UBL5: variants seen among roughly 807,000 people sequenced by gnomAD.
UBL5 encodes the protein ubiquitin-like protein 5.
In UBL5, 13 loss-of-function variants were observed where a neutral mutation model predicts 11.7. The observed-to-expected ratio is 1.11, with a 90% CI of 0.73 to 1.77. The LOEUF (loss-of-function observed/expected upper bound fraction) is 1.77. UBL5 is among the 40% of genes most tolerant of loss of function. UBL5 has a pLI of 0.00. For missense variants in UBL5, 58 were observed against 92.3 expected (o/e 0.63, Z 1.52); for synonymous variants, 28 against 34.7 (o/e 0.81, Z 0.68).
intron 1 of UBL5, 76 bp downstream of exon 1, chr19:9,828,060 G>C: frequency 1.8e-6 from 1 of 559,974 alleles, no homozygotes; most frequent in Non-Finnish European, 3.2e-6. Context: ...TGGGGTCGGT[G>C]GGAGGTGAGG....
chr19:9,828,125 TC>T, intron 1 of UBL5, 141 bp downstream of exon 1: 1 of 603,172 alleles, frequency 1.7e-6, no homozygotes, highest in South Asian at 2.0e-5. Flanking sequence ...GAGGCGCGGC[TC>T]CCCGGGGTTC....
At position 9,828,513 on chromosome 19, in the gene UBL5, C is replaced by T. The variant is rs753142080; in HGVS notation, c.57-79C>T. The T allele has an allele frequency of 1.2e-4, 195 of 1,602,186 alleles. No homozygotes were observed. In the Middle Eastern group the frequency reaches 1.5e-3, roughly 12 times the overall value. Reference sequence around the variant, plus strand: ...CCCGGGAGAGGGGGCGGATGGGGTCCTGGCAGATGGTATTCTGCCCTAGAA... The same window carrying T: ...CCCGGGAGAGGGGGCGGATGGGGTCTTGGCAGATGGTATTCTGCCCTAGAA... On this transcript the variant is annotated intron_variant, in intron 2 of 4. Coordinates refer to ENST00000586895, the MANE Select transcript of UBL5 (RefSeq NM_001048241.3).
At chr19:9,828,966 A>G in intron 4 of UBL5, 92 bp downstream of exon 4, 2 of 1,286,650 alleles carry the variant, frequency 1.6e-6, no homozygotes, top group South Asian at 1.2e-5. Flanking sequence ...TATGCATATT[A>G]AGTGTTTAAC....
intron 4 of UBL5, 87 bp downstream of exon 4, chr19:9,828,961 A>G: frequency 6.1e-6 from 8 of 1,312,836 alleles, no homozygotes; most frequent in Non-Finnish European, 8.8e-6. Flanking sequence ...GAGCTTATGC[A>G]TATTAAGTGT....
At chr19:9,828,454 A>G in intron 2 of UBL5, 61 bp downstream of exon 2, 2 of 1,608,848 alleles carry the variant, frequency 1.2e-6, no homozygotes, top group Non-Finnish European at 1.7e-6. Flanking sequence ...GAGGCAGGCA[A>G]CTCAATCTGT....
In UBL5 at chr19:9,830,003, C is replaced by T; in HGVS notation, c.217C>T (p.Gln73Ter). The T allele has an allele frequency of 6.2e-7, 1 of 1,614,024 alleles. No individual in the cohort carries two copies. Among genetic ancestry groups the T allele is most frequent in the South Asian group, 1.1e-5 (1 of 91,078 alleles). ...TGGGATGAACCTGGAGCTTTATTATCAATAGATGAGAATCCTCATCTTCCT... is the reference window on the plus strand; with the variant it reads ...TGGGATGAACCTGGAGCTTTATTATTAATAGATGAGAATCCTCATCTTCCT... ...HDGMNLELYY[Q>*] Residue 73 changes from glutamine (Q) to a stop codon, truncating the protein, a stop_gained, in exon 5 of 5, where the codon CAA (glutamine) becomes TAA (stop). Coordinates refer to ENST00000586895, the MANE Select transcript of UBL5 (RefSeq NM_001048241.3). LOFTEE classifies it high-confidence loss of function.
intron 4 of UBL5, chr19:9,829,741 C>G (rs1010396253): frequency 9.7e-6 from 5 of 513,074 alleles, no homozygotes; most frequent in Non-Finnish European, 1.7e-5. Flanking sequence ...AAGTGAGCCA[C>G]CTGCTTCGTC....
At chr19:9,828,222 T>G in intron 1 of UBL5, 105 bp from the exon 2 acceptor site, 2 of 1,120,792 alleles carry the variant, frequency 1.8e-6, no homozygotes, top group South Asian at 1.3e-5. Flanking sequence ...TAACCTGGAA[T>G]TTTAGGGCCT....
rs773619314 is a variant in UBL5, at chr19:9,828,825, T to A, written c.141-12T>A. The A allele has an allele frequency of 1.9e-6, 3 of 1,614,186 alleles. No homozygotes were observed. The South Asian group carries it at 3.3e-5, about 18-fold the overall frequency. Reference sequence around the variant, plus strand: ...TCCTTAGCCTTATCTCTGAAATGTCTCTTTTTCTTAGGTACACGATTTTTA... The same window carrying A: ...TCCTTAGCCTTATCTCTGAAATGTCACTTTTTCTTAGGTACACGATTTTTA... On this transcript the variant is annotated splice_polypyrimidine_tract_variant and intron_variant, in intron 3 of 4. Transcript: ENST00000586895.
At chr19:9,828,109 G>A (rs1354671933) in intron 1 of UBL5, 125 bp downstream of exon 1, 1 of 596,782 alleles carries the variant, frequency 1.7e-6, no homozygotes. Context: ...GCGGCGAGAA[G>A]GGGCGGAGGC....
At chr19:9,829,869 TG>T (rs2046046050) in intron 4 of UBL5, 95 bp from the exon 5 acceptor site, 1 of 1,443,608 alleles carries the variant, frequency 6.9e-7, no homozygotes, top group South Asian at 1.2e-5. Flanking sequence ...TCCTTAGCCC[TG>T]GGCTGAGACC....
Position 9,828,836 on chromosome 19 carries a change from G to A in UBL5, c.141-1G>A. ...ATCTCTGAAATGTCTCTTTTTCTTAGGTACACGATTTTTAAGGACCACGTG... is the reference window on the plus strand; with the variant it reads ...ATCTCTGAAATGTCTCTTTTTCTTAAGTACACGATTTTTAAGGACCACGTG... On this transcript the variant is annotated splice_acceptor_variant, in intron 3 of 4. Transcript: ENST00000586895. LOFTEE classifies it high-confidence loss of function. 1 of 1,614,176 alleles carries A rather than the reference G, an allele frequency of 6.2e-7. No individual in the cohort carries two copies. The highest frequency in any genetic ancestry group is 8.5e-7 in the Non-Finnish European group (1 of 1,180,032).
intron 4 of UBL5, 73 bp from the exon 5 acceptor site, chr19:9,829,892 G>T: frequency 6.3e-7 from 1 of 1,587,472 alleles, no homozygotes; most frequent in South Asian, 1.1e-5. Flanking sequence ...CAGGCCACCT[G>T]ACCCGGCTGT....
chr19:9,828,097 A>C, intron 1 of UBL5, 113 bp downstream of exon 1: 2 of 589,730 alleles, frequency 3.4e-6, no homozygotes, highest in Non-Finnish European at 6.0e-6. Flanking sequence ...CAGGGCTTTC[A>C]GGCGGCGAGA....
chr19:9,827,949 G>A lies in UBL5; in HGVS notation c.-47G>A. 1 of 321,518 alleles carries A rather than the reference G, an allele frequency of 3.1e-6. No homozygotes were observed. The highest frequency in any genetic ancestry group is 5.9e-6 in the Non-Finnish European group (1 of 169,084). 19.9% of individuals were successfully genotyped at this position (321,518 alleles called of 1,614,324 possible). On this transcript the variant is annotated 5_prime_UTR_variant, in exon 1 of 5. Coordinates refer to ENST00000586895, the MANE Select transcript of UBL5 (RefSeq NM_001048241.3). ...GACCGGGGTTCAGCGCTCGGGTGAG[G>A]AGCTGGTGGCGTCGGCAGGTTCGAG...
In UBL5 at chr19:9,828,862, T is replaced by A; in HGVS notation, c.166T>A (p.Ser56Thr). 1.2e-6 allele frequency: 2 copies of A among 1,614,214 alleles called. No individual in the cohort carries two copies. The highest frequency in any genetic ancestry group is 1.7e-6 in the Non-Finnish European group (2 of 1,180,030). The change falls in exon 4 of 5, where the codon TCT becomes ACT. Residue 56 changes from serine (S) to threonine (T), a missense_variant. Ser to Thr is a moderately conservative substitution (Grantham distance 58). Coordinates refer to ENST00000586895, the MANE Select transcript of UBL5 (RefSeq NM_001048241.3). ...KWYTIFKDHV[S>T]LGDYEIHDGM... The stretch of plus-strand genomic sequence containing the variant: ...GTACACGATTTTTAAGGACCACGTG[T>A]CTCTGGGGGACTGTATCCTTTGTGT...
intron 3 of UBL5, 35 bp from the exon 4 acceptor site, chr19:9,828,802 C>T (rs1555720086): frequency 1.2e-6 from 2 of 1,613,738 alleles, no homozygotes; most frequent in Non-Finnish European, 1.7e-6. Flanking sequence ...GAAGAGCCTC[C>T]TTAGCCTTAT....
chr19:9,828,034 C>A, intron 1 of UBL5, 50 bp downstream of exon 1: 1 of 499,196 alleles, frequency 2.0e-6, no homozygotes, highest in East Asian at 3.5e-5. Context: ...CTGTCGCGAC[C>A]CAGCCACCCA....
At chr19:9,828,301 T>TGC in intron 1 of UBL5, 26 bp from the exon 2 acceptor site, 3 of 1,597,564 alleles carry the variant, frequency 1.9e-6, no homozygotes, top group Non-Finnish European at 2.6e-6. Flanking sequence ...CTTTGCTGCC[T>TGC]CCCACCCACC....
Sources: allele counts gnomAD v4.1 joint callset, GRCh38; gene constraint gnomAD v4.1.1; transcripts MANE v1.5; gene names NCBI Gene and HGNC (gene_info 2026-07-23, HGNC 2026-07-21).